ASMTL: variants seen among roughly 807,000 people sequenced by gnomAD.
The protein encoded by ASMTL is acetylserotonin O-methyltransferase like, also known as probable bifunctional dTTP/UTP pyrophosphatase/methyltransferase protein.
In ASMTL, 57 loss-of-function variants were observed where a neutral mutation model predicts 60.3. That is an observed-to-expected ratio of 0.95 (90% CI 0.76 to 1.18). The LOEUF (loss-of-function observed/expected upper bound fraction) is 1.18. ASMTL is among the 50% of genes most tolerant of loss of function. ASMTL has a pLI of 0.00. For missense variants in ASMTL, 981 were observed against 852.6 expected (o/e 1.15, Z -1.88); for synonymous variants, 419 against 373.0 (o/e 1.12, Z -1.42).
At chrX:1,408,001 G>C (rs2089929570) in intron 12 of ASMTL, among the ~76,000 whole-genome samples, 2 of 140,650 alleles carry the variant, frequency 1.4e-5, no homozygotes, top group Non-Finnish European at 3.1e-5. Context: ...GCCCAGGAAG[G>C]GTAGCCTGGG....
chrX:1,433,292 T>C (rs2090859322), intron 5 of ASMTL, among the ~76,000 whole-genome samples: 1 of 151,804 alleles, frequency 6.6e-6, no homozygotes, highest in African/African-American at 2.4e-5. Flanking sequence ...GCTTTGGTTG[T>C]CATGGGAACA....
intron 12 of ASMTL, among the ~76,000 whole-genome samples, chrX:1,410,634 G>A (rs1226590509): frequency 2.0e-5 from 3 of 151,898 alleles, no homozygotes; most frequent in Admixed American, 1.3e-4. Flanking sequence ...GGCTGGTCTC[G>A]AACTCCTGAC....
intron 1 of ASMTL, among the ~76,000 whole-genome samples, chrX:1,445,649 G>A (rs2091215456): frequency 6.6e-6 from 1 of 151,824 alleles, no homozygotes; most frequent in Admixed American, 6.6e-5. Flanking sequence ...AAGAGACCGA[G>A]GACACGAGCT....
intron 9 of ASMTL, among the ~76,000 whole-genome samples, chrX:1,419,591 A>G (rs1415297345): frequency 6.6e-5 from 10 of 151,716 alleles, no homozygotes; most frequent in Non-Finnish European, 1.0e-4. Context: ...AGCTTCTCCA[A>G]GTCCCCCCAG....
intron 12 of ASMTL, among the ~76,000 whole-genome samples, chrX:1,405,544 C>T (rs377606115): frequency 2.8e-4 from 28 of 98,578 alleles, no homozygotes; most frequent in South Asian, 1.2e-3. Context: ...GGTAGGTAGA[C>T]GGATGGATGG....
rs1419909444 is a variant in ASMTL, at chrX:1,430,462, T to C, written c.509+1807A>G. Among the ~76,000 whole-genome samples the C allele has an allele frequency of 5.7e-4, 87 of 151,944 alleles. 1 individual carries two copies. Among genetic ancestry groups the C allele is most frequent in the Admixed American group, 2.2e-3 (33 of 15,212 alleles). On this transcript the variant is annotated intron_variant, in intron 6 of 12. Transcript: ENST00000381317. ...ATACATATATATTACGCAGACTCCA[T>C]CTCTACAAAAACTAACAATAAAATC...
upstream of ASMTL, chrX:1,452,976 A>T (rs1412506871): frequency 1.2e-5 from 8 of 651,902 alleles, no homozygotes; most frequent in Admixed American, 3.7e-5. Flanking sequence ...CCGCGAGGCC[A>T]CGCCCAGTCC....
rs374087486 is a variant in ASMTL, at chrX:1,427,851, G to T, written c.780C>A (p.Ala260=). 19 of 1,613,184 alleles carry T rather than the reference G, an allele frequency of 1.2e-5. No homozygotes were observed. The highest frequency in any genetic ancestry group is 1.6e-5 in the Non-Finnish European group (19 of 1,179,874). ...TGGCCTGTCCCGCCTCTCCCGCCTC[G>T]GCCTTCTCATCGCGGCTGCCCGCGT... is the stretch of plus-strand genomic sequence containing the variant. The part of the protein sequence containing the change: ...QRDAGSRDEK[A]EAGEAGQATA... The change falls in exon 7 of 13, where the codon GCC becomes GCA. Residue 260 remains alanine (A), a synonymous_variant. Coordinates refer to ENST00000381317, the MANE Select transcript of ASMTL (RefSeq NM_004192.4).
At chrX:1,443,139 ACGCCGCCATCT>A (rs2091146508) in intron 1 of ASMTL, among the ~76,000 whole-genome samples, 1 of 150,816 alleles carries the variant, frequency 6.6e-6, no homozygotes, top group Non-Finnish European at 1.5e-5. Context: ...TCGTGGACAC[ACGCCGCCATCT>A]TGGACACACA....
intron 6 of ASMTL, 102 bp downstream of exon 6, chrX:1,432,167 G>A (rs1603451335): frequency 7.4e-6 from 7 of 947,026 alleles, no homozygotes; most frequent in Admixed American, 2.2e-5. Context: ...CCCCCGGAGC[G>A]GGGCCTCCTT....
In ASMTL at chrX:1,452,854, G is replaced by T. The variant is rs761362317; in HGVS notation, c.-14C>A. The T allele has an allele frequency of 6.5e-7, 1 of 1,550,218 alleles. No homozygotes were observed. Among genetic ancestry groups the T allele is most frequent in the Non-Finnish European group, 8.6e-7 (1 of 1,156,610 alleles). ...GCACAGCACCATGGCGTCCACGCCG[G>T]GAGCCGGGCGTCCGCACTTCTGAGC... On this transcript the variant is annotated 5_prime_UTR_variant, in exon 1 of 13. Transcript: ENST00000381317.
At chrX:1,446,727 C>T (rs1488102127) in intron 1 of ASMTL, among the ~76,000 whole-genome samples, 1 of 152,076 alleles carries the variant, frequency 6.6e-6, no homozygotes, top group Non-Finnish European at 1.5e-5. Flanking sequence ...TCTCGATCTC[C>T]TGACCTCGTG....
chrX:1,441,433 C>G lies in ASMTL; in HGVS notation c.225+753G>C, dbSNP rs1291101376. Among the ~76,000 whole-genome samples the G allele has an allele frequency of 5.9e-5, 9 of 152,194 alleles. No individual in the cohort carries two copies. The East Asian group carries it at 1.7e-3, about 29-fold the overall frequency. ...CTGGGATTACAGGCACCCGCCACCA[C>G]GCCCAGCTAATTTTTGTATGTTTAG... On this transcript the variant is annotated intron_variant, in intron 2 of 12. Transcript: ENST00000381317.
intron 12 of ASMTL, among the ~76,000 whole-genome samples, chrX:1,411,171 G>GA (rs1569531278): frequency 2.6e-5 from 4 of 151,526 alleles, no homozygotes; most frequent in Non-Finnish European, 5.9e-5. Context: ...GCGACAGAGC[G>GA]AGACTCCGTC....
chrX:1,411,115 T>C (rs1272066644), intron 12 of ASMTL, among the ~76,000 whole-genome samples: 1 of 150,798 alleles, frequency 6.6e-6, no homozygotes, highest in African/African-American at 2.4e-5. Context: ...ACCCTGGGGG[T>C]GGAGGTTACG....
intron 11 of ASMTL, among the ~76,000 whole-genome samples, chrX:1,416,693 C>T (rs2090287140): frequency 6.6e-6 from 1 of 151,436 alleles, no homozygotes; most frequent in Admixed American, 6.6e-5. Flanking sequence ...GATGCAGACA[C>T]AGAGACACAT....
chrX:1,419,015 G>A lies in ASMTL; in HGVS notation c.1345C>T (p.Leu449=). The change falls in exon 10 of 13, where the codon CTG becomes TTG. Residue 449 remains leucine, a synonymous_variant. Transcript: ENST00000381317. ...TCGCAGGCGGAGGAGAAGCGGGACA[G>A]ATTGAAGGCCGTGGCCACCTGGCAC... is the stretch of plus-strand genomic sequence containing the variant. ...TACQVATAFN[L]SRFSSACDVG... is the part of the protein sequence containing the mutation. 1 of 1,611,860 alleles carries A rather than the reference G, an allele frequency of 6.2e-7. No homozygotes were observed. The highest frequency in any genetic ancestry group is 8.5e-7 in the Non-Finnish European group (1 of 1,179,794).
At chrX:1,420,783 C>CT (rs1212394073) in intron 9 of ASMTL, among the ~76,000 whole-genome samples, 1 of 152,168 alleles carries the variant, frequency 6.6e-6, no homozygotes, top group Non-Finnish European at 1.5e-5. Context: ...TTAAGGCAGC[C>CT]TGTCCAACTC....
At chrX:1,453,016 C>G, upstream of ASMTL, 1 of 558,036 alleles carries the variant, frequency 1.8e-6, no homozygotes, top group African/African-American at 2.0e-5. Context: ...CGCGAGACCG[C>G]GCCCAGGCCA....
Sources: gnomAD v4.1 joint callset for allele counts (sites outside exome capture counted in the v4.1 genomes callset) on GRCh38, gnomAD v4.1.1 for gene constraint, MANE v1.5 for transcripts, NCBI Gene and HGNC (gene_info 2026-07-23, HGNC 2026-07-21) for gene names.